Variants in DEPTOR observed in about 807,000 individuals in gnomAD.
The protein encoded by DEPTOR is DEP domain containing MTOR interacting protein.
In DEPTOR, 41 loss-of-function variants were observed where a neutral mutation model predicts 41.6. The observed-to-expected ratio is 0.98, with a 90% CI of 0.77 to 1.28. The LOEUF (loss-of-function observed/expected upper bound fraction) is 1.28, where lower values mean the gene tolerates loss of function less well. Ranked by LOEUF, DEPTOR falls within the 50% of genes most tolerant of loss-of-function variation. The probability of loss-of-function intolerance (pLI) is 0.00; values close to 1 mark genes in which losing one functional copy is unlikely to be tolerated. For missense variants in DEPTOR, 514 were observed against 527.9 expected (o/e 0.97, Z 0.26); for synonymous variants, 195 against 192.3 (o/e 1.01, Z -0.12).
chr8:119,908,618 T>A (rs1827698425), intron 1 of DEPTOR, among the ~76,000 whole-genome samples: 1 of 151,696 alleles, frequency 6.6e-6, no homozygotes, highest in South Asian at 2.1e-4. Context: ...GGCAGTCTTG[T>A]GGGACAAGTG....
At chr8:119,900,131 C>G (rs1406848267) in intron 1 of DEPTOR, among the ~76,000 whole-genome samples, 2 of 151,618 alleles carry the variant, frequency 1.3e-5, no homozygotes, top group Admixed American at 6.6e-5. Context: ...CCAGCCTGGC[C>G]AACATGGTAA....
chr8:119,995,180 A>T (rs886511720), intron 4 of DEPTOR, among the ~76,000 whole-genome samples: 1 of 152,212 alleles, frequency 6.6e-6, no homozygotes, highest in African/African-American at 2.4e-5. Context: ...CATGGAATAT[A>T]TTCAAAAAAT....
intron 3 of DEPTOR, among the ~76,000 whole-genome samples, chr8:119,931,009 G>A (rs1828036219): frequency 6.6e-6 from 1 of 151,940 alleles, no homozygotes; most frequent in Non-Finnish European, 1.5e-5. Context: ...GTCAGGGGTT[G>A]GAAACCAGCC....
At chr8:119,889,443 A>G (rs918820103) in intron 1 of DEPTOR, among the ~76,000 whole-genome samples, 2 of 150,970 alleles carry the variant, frequency 1.3e-5, no homozygotes, top group Non-Finnish European at 2.9e-5. Context: ...GCTACTTGGG[A>G]GGCTAAGGTG....
At position 119,960,149 on chromosome 8, in the gene DEPTOR, G is replaced by T. The variant is rs112115181; in HGVS notation, c.426-5083G>T. On this transcript the variant is annotated intron_variant, in intron 3 of 8. Transcript: ENST00000286234. Reference sequence around the variant, plus strand: ...TGAGGCAGGAGAATTGCTTGAAGCTGCAAGGCAGAGGTTGCAGAGAGCCAA... The same window carrying T: ...TGAGGCAGGAGAATTGCTTGAAGCTTCAAGGCAGAGGTTGCAGAGAGCCAA... 4.3e-3 allele frequency among the ~76,000 whole-genome samples: 657 copies of T among 151,938 alleles called. 4 individuals carry two copies. The highest frequency in any genetic ancestry group is 0.015 in the African/African-American group (628 of 41,450).
At chr8:119,898,230 C>G (rs2129738900) in intron 1 of DEPTOR, among the ~76,000 whole-genome samples, 1 of 152,238 alleles carries the variant, frequency 6.6e-6, no homozygotes, top group Non-Finnish European at 1.5e-5. Flanking sequence ...CATAGAAAAC[C>G]TTTGCCAACC....
intron 8 of DEPTOR, among the ~76,000 whole-genome samples, chr8:120,044,071 C>CCAA (rs756878341): frequency 2.2e-5 from 2 of 90,254 alleles, no homozygotes; most frequent in African/African-American, 7.4e-5. Flanking sequence ...GCTAGCCTAA[C>CCAA]AAAAAAAAAA....
At chr8:119,882,792 A>C (rs986746068) in intron 1 of DEPTOR, among the ~76,000 whole-genome samples, 1 of 152,150 alleles carries the variant, frequency 6.6e-6, no homozygotes, top group Non-Finnish European at 1.5e-5. Flanking sequence ...CCATGAGTTT[A>C]GTGATTAGGA....
chr8:119,929,969 C>A, intron 3 of DEPTOR, 31 bp downstream of exon 3: 1 of 1,593,898 alleles, frequency 6.3e-7, no homozygotes, highest in South Asian at 1.1e-5. Context: ...CCCCTGTAAT[C>A]TTGACTTATA....
chr8:120,039,501 A>G (rs1813026372), intron 8 of DEPTOR, among the ~76,000 whole-genome samples: 1 of 152,240 alleles, frequency 6.6e-6, no homozygotes, highest in Non-Finnish European at 1.5e-5. Flanking sequence ...ATATCATGTT[A>G]TGAAAGCCAG....
chr8:119,956,095 A>G (rs1310783793), intron 3 of DEPTOR, among the ~76,000 whole-genome samples: 3 of 152,116 alleles, frequency 2.0e-5, no homozygotes, highest in Non-Finnish European at 4.4e-5. Context: ...GCCCAGGTGA[A>G]CCCCAGACAA....
chr8:119,956,673 T>C (rs1218573882), intron 3 of DEPTOR, among the ~76,000 whole-genome samples: 1 of 151,316 alleles, frequency 6.6e-6, no homozygotes, highest in Non-Finnish European at 1.5e-5. Context: ...GTCTCTTGAT[T>C]ATCTCCACAC....
intron 1 of DEPTOR, among the ~76,000 whole-genome samples, chr8:119,921,758 T>TG (rs1827898015): frequency 6.9e-6 from 1 of 145,630 alleles, no homozygotes; most frequent in African/African-American, 2.7e-5. Flanking sequence ...GTTTTTTTTT[T>TG]TGTTTGTTTG....
rs10112515 is a variant in DEPTOR, at chr8:120,050,096, T to C, written c.*392T>C. 7,704 of 154,800 alleles carry C rather than the reference T, an allele frequency of 0.05. 396 individuals are homozygous for C. The highest frequency in any genetic ancestry group is 0.2 in the South Asian group (1,010 of 4,988). 9.6% of individuals were successfully genotyped at this position (154,800 alleles called of 1,614,324 possible). ...AGTAGTTGTTAAAGGTTTTAAATTG[T>C]ACTTTCTCCAAAATTAGCATGCAGC... On this transcript the variant is annotated 3_prime_UTR_variant, in exon 9 of 9. Transcript: ENST00000286234.
At chr8:120,019,318 A>G (rs376697702) in intron 8 of DEPTOR, among the ~76,000 whole-genome samples, 77 of 152,298 alleles carry the variant, frequency 5.1e-4, no homozygotes, top group African/African-American at 1.6e-3. Context: ...TAAAAAATAA[A>G]ATAAAATAAA....
intron 1 of DEPTOR, among the ~76,000 whole-genome samples, chr8:119,916,266 ATTTTTT>A (rs71304925): frequency 0.54 from 67,270 of 123,864 alleles, 19,137 homozygotes; most frequent in East Asian, 0.9. Context: ...GGCTAGGCTA[ATTTTTT>A]TTTTTTTTTT....
At chr8:119,938,953 C>CTCTCTT (rs1563970965) in intron 3 of DEPTOR, among the ~76,000 whole-genome samples, 1 of 145,036 alleles carries the variant, frequency 6.9e-6, no homozygotes, top group African/African-American at 2.7e-5. Context: ...TGCTCTCTCT[C>CTCTCTT]TCTCTCTCTC....
In DEPTOR at chr8:120,049,579, T is replaced by C. The variant is rs763856955; in HGVS notation, c.1105T>C (p.Cys369Arg). 6.2e-7 allele frequency: 1 copy of C among 1,613,322 alleles called. No individual in the cohort carries two copies. Among genetic ancestry groups the C allele is most frequent in the Non-Finnish European group, 8.5e-7 (1 of 1,179,470 alleles). Residue 369 changes from cysteine to arginine, a missense_variant, in exon 9 of 9, where the codon TGT becomes CGT. Coordinates refer to ENST00000286234, the MANE Select transcript of DEPTOR (RefSeq NM_022783.4). ...TTTCTTTGCATCTTTCCTTTAGGTC[T>C]GTCAGTTTGTCGTCTCTGTCAACGG... The part of the protein sequence containing the change: ...GPAAAAGMKV[C>R]QFVVSVNGLN...
chr8:119,899,914 T>C (rs6989741), intron 1 of DEPTOR, among the ~76,000 whole-genome samples: 75,748 of 152,084 alleles, frequency 0.5, 20,588 homozygotes, highest in East Asian at 0.92. Flanking sequence ...TCAGTAAAGT[T>C]CCTCTTTGCT....
Sources: allele counts gnomAD v4.1 joint callset (sites outside exome capture counted in the v4.1 genomes callset), GRCh38; gene constraint gnomAD v4.1.1; transcripts MANE v1.5; gene names NCBI Gene and HGNC (gene_info 2026-07-23, HGNC 2026-07-21).